The following CPLX2 variants were observed in gnomAD, a reference collection of about 807,000 sequenced individuals.
The protein encoded by CPLX2 is complexin 2.
CPLX2 carries 5 observed loss-of-function variants against 16.3 expected under a neutral mutation model. The ratio of observed to expected loss-of-function variants is 0.31; its 90% CI spans 0.16 to 0.64. The LOEUF (loss-of-function observed/expected upper bound fraction) is 0.64. Among genes scored for constraint, CPLX2 ranks in the 30% least tolerant of loss-of-function variants. The pLI is 0.79. For missense variants in CPLX2, 144 were observed against 181.4 expected (o/e 0.79, Z 1.18); for synonymous variants, 89 against 73.2 (o/e 1.22, Z -1.10).
chr5:175,831,842 G>T (rs1390104844), intron 2 of CPLX2, among the ~76,000 whole-genome samples: 1 of 152,274 alleles, frequency 6.6e-6, no homozygotes, highest in African/African-American at 2.4e-5. Flanking sequence ...AACAAAGCTA[G>T]TGAGGAGATG....
intron 2 of CPLX2, among the ~76,000 whole-genome samples, chr5:175,813,948 T>C (rs1758358956): frequency 6.6e-6 from 1 of 152,250 alleles, no homozygotes; most frequent in African/African-American, 2.4e-5. Context: ...TGGCCTTCTA[T>C]TTACAGAACA....
chr5:175,839,676 G>A lies in CPLX2; in HGVS notation c.-89+30608G>A, dbSNP rs73803062. 4.7e-3 allele frequency among the ~76,000 whole-genome samples: 715 copies of A among 152,234 alleles called. 6 individuals carry two copies. Among genetic ancestry groups the A allele is most frequent in the African/African-American group, 0.017 (688 of 41,532 alleles). On this transcript the variant is annotated intron_variant, in intron 2 of 4. Transcript: ENST00000359546. ...GTTTTGGGAATGTACAACATACAAG[G>A]TAAAACCAAGATTACATTAAACATT...
chr5:175,807,301 T>C (rs1758226000), intron 1 of CPLX2, among the ~76,000 whole-genome samples: 1 of 152,226 alleles, frequency 6.6e-6, no homozygotes, highest in African/African-American at 2.4e-5. Flanking sequence ...AAGCACATAC[T>C]ATGTGCCAGA....
At chr5:175,863,247 T>C (rs11134937) in intron 2 of CPLX2, among the ~76,000 whole-genome samples, 105,084 of 152,134 alleles carry the variant, frequency 0.69, 36,878 homozygotes, top group East Asian at 0.95. Context: ...CAGCCCATGG[T>C]GAGGTCGCCA....
At chr5:175,821,655 G>A (rs749793802) in intron 2 of CPLX2, among the ~76,000 whole-genome samples, 21 of 152,180 alleles carry the variant, frequency 1.4e-4, no homozygotes, top group Non-Finnish European at 2.5e-4. Context: ...TGATCTGCCC[G>A]CCTTGGCCTC....
intron 1 of CPLX2, among the ~76,000 whole-genome samples, chr5:175,805,214 C>A (rs1758174349): frequency 6.6e-6 from 1 of 152,126 alleles, no homozygotes; most frequent in Non-Finnish European, 1.5e-5. Context: ...TCAGTTGACG[C>A]CATTTCAGCC....
chr5:175,816,399 C>T (rs1436047999), intron 2 of CPLX2, among the ~76,000 whole-genome samples: 1 of 152,174 alleles, frequency 6.6e-6, no homozygotes, highest in Non-Finnish European at 1.5e-5. Flanking sequence ...ATCTCCTGAC[C>T]TTGTGATCTG....
chr5:175,883,278 C>T lies in CPLX2; in HGVS notation c.*3233C>T, dbSNP rs1348177950. 1 of 152,270 alleles carries T rather than the reference C, an allele frequency of 6.6e-6. No individual in the cohort carries two copies. 9.4% of individuals were successfully genotyped at this position (152,270 alleles called of 1,614,324 possible). A position where few individuals can be genotyped will look rare whatever the true frequency, so the allele number is the denominator to read the frequency against. Reference sequence around the variant, plus strand: ...CTGGGCACCAGTGACAGGTCAGGATCTCCAAACATGGACGTCCTCCCCTCC... The same window carrying T: ...CTGGGCACCAGTGACAGGTCAGGATTTCCAAACATGGACGTCCTCCCCTCC... On this transcript the variant is annotated 3_prime_UTR_variant, in exon 4 of 4. Coordinates refer to ENST00000393745, the MANE Select transcript of CPLX2 (RefSeq NM_001008220.2).
rs770768409 is a variant in CPLX2, at chr5:175,880,149, T to C, written c.*104T>C. The C allele has an allele frequency of 2.2e-5, 29 of 1,303,920 alleles. No homozygotes were observed. Among genetic ancestry groups the C allele is most frequent in the Non-Finnish European group, 3.1e-5 (29 of 921,406 alleles). 80.8% of individuals were successfully genotyped at this position (1,303,920 alleles called of 1,614,324 possible). ...TCAATTCTGAAGGGGAAAACCTCAGTTGGCCTCTGCCCCTCTTCCCTGGCC... is the reference window on the plus strand; with the variant it reads ...TCAATTCTGAAGGGGAAAACCTCAGCTGGCCTCTGCCCCTCTTCCCTGGCC... On this transcript the variant is annotated 3_prime_UTR_variant, in exon 4 of 4. Transcript: ENST00000393745.
At chr5:175,805,668 GCA>G (rs1047108569) in intron 1 of CPLX2, 3 of 152,560 alleles carry the variant, frequency 2.0e-5, no homozygotes, top group Admixed American at 2.0e-4. Context: ...TTTCCTTCCA[GCA>G]CAGTCAGAGG....
At position 175,845,898 on chromosome 5, in the gene CPLX2, A is replaced by C. The variant is rs1759034608; in HGVS notation, c.-88-32754A>C. ...GTGGGCCTGGGTCCCAGGAAAGGGG[A>C]GTCATTTGTGTTCCTCCTGGCTTCC... On this transcript the variant is annotated intron_variant, in intron 2 of 4. Coordinates refer to the CPLX2 transcript ENST00000359546. This position sits in a 1 kb window ranked among gnomAD's most constrained non-coding sequence, Gnocchi z 4.0. Among the ~76,000 whole-genome samples the C allele has an allele frequency of 6.6e-6, 1 of 152,012 alleles. No homozygotes were observed. Among genetic ancestry groups the C allele is most frequent in the Non-Finnish European group, 1.5e-5 (1 of 67,996 alleles).
chr5:175,824,001 G>A (rs1188323618), intron 2 of CPLX2, among the ~76,000 whole-genome samples: 1 of 152,134 alleles, frequency 6.6e-6, no homozygotes, highest in African/African-American at 2.4e-5. Context: ...TGCTGGGGAG[G>A]AGAGGATCCT....
chr5:175,824,600 C>G (rs144461338), intron 2 of CPLX2, among the ~76,000 whole-genome samples: 388 of 152,336 alleles, frequency 2.5e-3, no homozygotes, highest in African/African-American at 9.2e-3. Context: ...ACAGGCCAAG[C>G]AGGGGACCTG....
In CPLX2 at chr5:175,883,664, C is replaced by A. The variant is rs1345365232; in HGVS notation, c.*3619C>A. 1.3e-5 allele frequency: 2 copies of A among 152,436 alleles called. No homozygotes were observed. Among genetic ancestry groups the A allele is most frequent in the East Asian group, 3.9e-4 (2 of 5,178 alleles). The allele number at this position is 152,436 out of a possible 1,614,324, so 9.4% of individuals were successfully genotyped here. On this transcript the variant is annotated 3_prime_UTR_variant, in exon 4 of 4. Transcript: ENST00000393745. ...CAGCCTGGTCTCCCAGGCCTGAGGA[C>A]ATGCCTCCCACCAAATGTCCCCTGC...
At chr5:175,864,989 A>C (rs1759445481) in intron 2 of CPLX2, among the ~76,000 whole-genome samples, 1 of 151,644 alleles carries the variant, frequency 6.6e-6, no homozygotes. Context: ...ATGACCAGAA[A>C]TTTCTCTCTT....
intron 3 of CPLX2, chr5:175,879,630 A>G: frequency 1.5e-6 from 1 of 681,626 alleles, no homozygotes; most frequent in African/African-American, 1.8e-5. Context: ...TCTGATGGGC[A>G]GGTGTTAATT....
intron 2 of CPLX2, among the ~76,000 whole-genome samples, chr5:175,860,238 C>T (rs1759335408): frequency 6.6e-6 from 1 of 152,052 alleles, no homozygotes; most frequent in Non-Finnish European, 1.5e-5. Flanking sequence ...TGCCTGTAAT[C>T]CCAGCACATT....
intron 1 of CPLX2, among the ~76,000 whole-genome samples, chr5:175,799,300 AC>A (rs1488386358): frequency 7.2e-5 from 11 of 152,092 alleles, no homozygotes; most frequent in Non-Finnish European, 1.6e-4. Flanking sequence ...CCCAATAGCC[AC>A]ATTTTACAAA....
intron 2 of CPLX2, among the ~76,000 whole-genome samples, chr5:175,855,868 C>T (rs951238259): frequency 6.6e-6 from 1 of 151,554 alleles, no homozygotes; most frequent in Non-Finnish European, 1.5e-5. Context: ...AGAGTGGTTC[C>T]CCAAGGTAAT....
Sources: gnomAD v4.1 joint callset for allele counts (sites outside exome capture counted in the v4.1 genomes callset) on GRCh38, gnomAD v4.1.1 for gene constraint, Gnocchi (gnomAD v3.1) non-coding constraint, MANE v1.5 for transcripts, NCBI Gene and HGNC (gene_info 2026-07-23, HGNC 2026-07-21) for gene names.